PYGL: variants seen among roughly 807,000 people sequenced by gnomAD.
PYGL encodes glycogen phosphorylase L, also known as glycogen phosphorylase, liver form.
A neutral mutation model predicts 100.1 loss-of-function variants in PYGL; 90 were observed. The observed-to-expected ratio is 0.90, with a 90% CI of 0.76 to 1.07. The LOEUF (loss-of-function observed/expected upper bound fraction) is 1.07, where lower values mean the gene tolerates loss of function less well. Among genes scored for constraint, PYGL ranks in the 50% least tolerant of loss-of-function variants. PYGL has a pLI of 0.00. For missense variants in PYGL, 1,016 were observed against 1,057.6 expected, an observed-to-expected ratio of 0.96 and a Z score of 0.55; for synonymous variants, 373 against 393.0, an observed-to-expected ratio of 0.95 and a Z score of 0.60.
chr14:50,919,583 T>C (rs1249854378), intron 7 of PYGL, among the ~76,000 whole-genome samples: 1 of 152,144 alleles, frequency 6.6e-6, no homozygotes, highest in Non-Finnish European at 1.5e-5. Flanking sequence ...ATGAAAATGA[T>C]TTTACCCATA....
At chr14:50,937,941 C>A (rs1232476052) in intron 1 of PYGL, 104 bp from the exon 2 acceptor site, 28 of 1,026,962 alleles carry the variant, frequency 2.7e-5, no homozygotes, top group South Asian at 2.5e-4. Flanking sequence ...AACAAACAGG[C>A]AGGACTATGT....
In PYGL at chr14:50,911,733, T is replaced by C; in HGVS notation, c.1966A>G (p.Lys656Glu). 6.2e-7 allele frequency: 1 copy of C among 1,614,206 alleles called. No individual in the cohort carries two copies. The highest frequency in any genetic ancestry group is 8.5e-7 in the Non-Finnish European group (1 of 1,180,034). ...TATTTTGCAATGAGGGTAGTACCTT[T>C]TTCAGCAAGAGATACTCTGTAGTTC... ...LENYRVSLAE[K>E]VIPATDLSEQ... The change falls in exon 16 of 20, where the codon AAA becomes GAA. Residue 656 changes from lysine (K) to glutamate (E), a missense_variant. Lys to Glu is a moderately conservative substitution (Grantham distance 56). Coordinates refer to ENST00000216392, the MANE Select transcript of PYGL (RefSeq NM_002863.5).
At chr14:50,944,135 C>G in intron 1 of PYGL, 26 bp downstream of exon 1, 2 of 1,584,594 alleles carry the variant, frequency 1.3e-6, no homozygotes, top group Non-Finnish European at 1.7e-6. Flanking sequence ...GGCTGGACCC[C>G]GGCCCGCCGT....
intron 19 of PYGL, among the ~76,000 whole-genome samples, chr14:50,905,814 T>C (rs1397806589): frequency 6.6e-6 from 1 of 152,264 alleles, no homozygotes; most frequent in East Asian, 1.9e-4. Flanking sequence ...CATTGCCTAG[T>C]TGGCAATTCC....
intron 3 of PYGL, among the ~76,000 whole-genome samples, chr14:50,934,764 G>T (rs1472561086): frequency 6.6e-6 from 1 of 152,082 alleles, no homozygotes; most frequent in African/African-American, 2.4e-5. Context: ...TGTTCCCTAT[G>T]ACCCCCTATA....
intron 1 of PYGL, 149 bp from the exon 2 acceptor site, chr14:50,937,986 G>C: frequency 1.4e-6 from 1 of 739,540 alleles, no homozygotes; most frequent in Non-Finnish European, 2.3e-6. Context: ...CGTCAGAGGT[G>C]TTTGAACCAA....
chr14:50,936,786 G>A (rs2050656956), intron 2 of PYGL, among the ~76,000 whole-genome samples: 2 of 137,782 alleles, frequency 1.5e-5, no homozygotes, highest in African/African-American at 5.1e-5. Flanking sequence ...ACGAGACTCC[G>A]TCTCAAAAAA....
chr14:50,912,169 G>C lies in PYGL; in HGVS notation c.1755C>G (p.Ile585Met), dbSNP rs1414746738. ...KRQLLNCLHV[I>M]TMYNRIKKDP... ...GGGCTGACTCACGGTTGTACATCGT[G>C]ATCACATGCAGACAGTTCAAGAGCT... is the stretch of plus-strand genomic sequence containing the variant. The change falls in exon 14 of 20, where the codon ATC becomes ATG. Residue 585 changes from isoleucine (I) to methionine (M), a missense_variant. Physicochemically the swap from Ile to Met is conservative, Grantham distance 10. Coordinates refer to ENST00000216392, the MANE Select transcript of PYGL (RefSeq NM_002863.5). The C allele has an allele frequency of 6.2e-6, 10 of 1,614,078 alleles. No individual in the cohort carries two copies. Among genetic ancestry groups the C allele is most frequent in the Non-Finnish European group, 7.6e-6 (9 of 1,180,044 alleles).
At chr14:50,924,220 A>G (rs1416453937) in intron 4 of PYGL, 120 bp from the exon 5 acceptor site, 1 of 1,215,072 alleles carries the variant, frequency 8.2e-7, no homozygotes, top group East Asian at 2.6e-5. Flanking sequence ...AATACTGAGT[A>G]CTGTTTTGTA....
chr14:50,931,853 T>G (rs1596048098), intron 3 of PYGL, 77 bp from the exon 4 acceptor site: 3 of 1,143,342 alleles, frequency 2.6e-6, no homozygotes. Context: ...CTAAAACACA[T>G]GGCAGCCACA....
chr14:50,934,417 C>G (rs551148085), intron 3 of PYGL, among the ~76,000 whole-genome samples: 1 of 152,148 alleles, frequency 6.6e-6, no homozygotes, highest in South Asian at 2.1e-4. Context: ...AATTGAGAAG[C>G]TTTGAACAAA....
chr14:50,915,933 G>T lies in PYGL; in HGVS notation c.1131C>A (p.Asn377Lys). 6.2e-7 allele frequency: 1 copy of T among 1,614,268 alleles called. No homozygotes were observed. The highest frequency in any genetic ancestry group is 8.5e-7 in the Non-Finnish European group (1 of 1,180,044). The change falls in exon 10 of 20, where the codon AAC (asparagine) becomes AAA (lysine). Residue 377 changes from asparagine (N) to lysine (K), a missense_variant. Transcript: ENST00000216392. Reference sequence around the variant, plus strand: ...CCAGGGCTTCCGGGAGCACTGTGTGGTTGGTGTAGGCGAAGGTCTTCTGGG... The same window carrying T: ...CCAGGGCTTCCGGGAGCACTGTGTGTTTGGTGTAGGCGAAGGTCTTCTGGG... ...ELTQKTFAYTNHTVLPEALER... is the reference protein window; with the variant it reads ...ELTQKTFAYTKHTVLPEALER...
chr14:50,917,182 A>G (rs575728817), intron 7 of PYGL, 77 bp from the exon 8 acceptor site: 1 of 1,490,606 alleles, frequency 6.7e-7, no homozygotes, highest in East Asian at 2.3e-5. Context: ...CTCCTGCACT[A>G]GGAACTTTAA....
chr14:50,908,438 C>A, intron 18 of PYGL, 101 bp from the exon 19 acceptor site: 1 of 1,103,984 alleles, frequency 9.1e-7, no homozygotes, highest in Non-Finnish European at 1.4e-6. Context: ...TAATATCAGG[C>A]ATGGCTGGTT....
At position 50,930,039 on chromosome 14, in the gene PYGL, T is replaced by G. The variant is rs113076433; in HGVS notation, c.528+1634A>C. Among the ~76,000 whole-genome samples the G allele has an allele frequency of 5.1e-4, 77 of 152,320 alleles. 1 individual carries two copies. Among genetic ancestry groups the G allele is most frequent in the African/African-American group, 1.7e-3 (71 of 41,564 alleles). ...CTTTATCTTTCTGGCCTTCTCTGGATAGCTGAGGTTTTATTACCCTTATAA... is the reference window on the plus strand; with the variant it reads ...CTTTATCTTTCTGGCCTTCTCTGGAGAGCTGAGGTTTTATTACCCTTATAA... On this transcript the variant is annotated intron_variant, in intron 4 of 19. Transcript: ENST00000216392.
At chr14:50,944,103 G>A in intron 1 of PYGL, 58 bp downstream of exon 1, 4 of 1,543,574 alleles carry the variant, frequency 2.6e-6, no homozygotes, top group Non-Finnish European at 3.5e-6. Flanking sequence ...CCGCCCGGCC[G>A]CGGCCGGAGA....
chr14:50,910,524 C>G (rs2050384240), intron 16 of PYGL, among the ~76,000 whole-genome samples: 2 of 152,044 alleles, frequency 1.3e-5, no homozygotes, highest in African/African-American at 4.8e-5. Flanking sequence ...GGTGCGATTA[C>G]AGCTCTCTGC....
intron 1 of PYGL, 147 bp from the exon 2 acceptor site, chr14:50,937,984 G>A (rs962677415): frequency 1.5e-5 from 11 of 745,322 alleles, no homozygotes; most frequent in Non-Finnish European, 2.3e-5. Flanking sequence ...CCCGTCAGAG[G>A]TGTTTGAACC....
chr14:50,934,682 T>C (rs1276196988), intron 3 of PYGL, among the ~76,000 whole-genome samples: 2 of 152,084 alleles, frequency 1.3e-5, no homozygotes, highest in Non-Finnish European at 2.9e-5. Flanking sequence ...TGTGTGTGTG[T>C]GTTTGTGTGT....
Sources: gnomAD v4.1 joint callset for allele counts (sites outside exome capture counted in the v4.1 genomes callset) on GRCh38, gnomAD v4.1.1 for gene constraint, MANE v1.5 for transcripts, NCBI Gene and HGNC (gene_info 2026-07-23, HGNC 2026-07-21) for gene names.